Variants in NNT observed in about 807,000 individuals in gnomAD.
NNT encodes the protein NAD(P) transhydrogenase, mitochondrial.
NNT carries 50 observed loss-of-function variants against 104.8 expected under a neutral mutation model. That is an observed-to-expected ratio of 0.48 (90% CI 0.38 to 0.60). The LOEUF (loss-of-function observed/expected upper bound fraction) is 0.60. Among genes scored for constraint, NNT ranks in the 20% least tolerant of loss-of-function variants. The pLI is 0.00. For missense variants in NNT, 1,131 were observed against 1,330.7 expected, an observed-to-expected ratio of 0.85 and a Z score of 2.33; for synonymous variants, 461 against 490.4, an observed-to-expected ratio of 0.94 and a Z score of 0.79.
rs1580137157 is a variant in NNT, at chr5:43,700,193, A to G, written c.2951A>G (p.Tyr984Cys). The G allele has an allele frequency of 6.2e-7, 1 of 1,613,798 alleles. No homozygotes were observed. The highest frequency in any genetic ancestry group is 8.5e-7 in the Non-Finnish European group (1 of 1,179,830). Reference sequence around the variant, plus strand: ...CTGCTGGCTGAGGCTGGTGTGCCATATGACATTGTGTTGGAAATGGATGAG... The same window carrying G: ...CTGCTGGCTGAGGCTGGTGTGCCATGTGACATTGTGTTGGAAATGGATGAG... ...NVLLAEAGVP[Y>C]DIVLEMDEIN... Residue 984 changes from tyrosine (Y) to cysteine (C), a missense_variant, in exon 20 of 22, where the codon TAT (tyrosine) becomes TGT (cysteine). Physicochemically the swap from Tyr to Cys is radical, Grantham distance 194 (BLOSUM62 -2). Transcript: ENST00000344920.
chr5:43,631,591 C>T (rs528114323), intron 7 of NNT, among the ~76,000 whole-genome samples: 3 of 152,152 alleles, frequency 2.0e-5, no homozygotes, highest in African/African-American at 7.2e-5. Context: ...TCAACTCATA[C>T]TCTAAAGAGC....
chr5:43,658,851 A>G (rs887660276), intron 16 of NNT, among the ~76,000 whole-genome samples: 1 of 152,228 alleles, frequency 6.6e-6, no homozygotes, highest in East Asian at 1.9e-4. Flanking sequence ...GTCTAAAGCC[A>G]TAAAAACTGG....
At position 43,645,525 on chromosome 5, in the gene NNT, T is replaced by A; in HGVS notation, c.1444+15T>A. 1 of 1,473,174 alleles carries A rather than the reference T, an allele frequency of 6.8e-7. No individual in the cohort carries two copies. Among genetic ancestry groups the A allele is most frequent in the Admixed American group, 2.2e-5 (1 of 44,750 alleles). The allele number at this position is 1,473,174 out of a possible 1,614,324, so 91.3% of individuals were successfully genotyped here. ...ATATACAGCAGGTGAGGATACCATT[T>A]ACCAGGGTTTAGTCTTGATTGTTTG... On this transcript the variant is annotated intron_variant, in intron 10 of 21. Coordinates refer to ENST00000344920, the MANE Select transcript of NNT (RefSeq NM_182977.3).
intron 19 of NNT, among the ~76,000 whole-genome samples, chr5:43,688,392 A>T (rs1437737283): frequency 6.6e-6 from 1 of 152,146 alleles, no homozygotes; most frequent in Non-Finnish European, 1.5e-5. Flanking sequence ...TTTGCCCTAG[A>T]ATCTCCAGAA....
intron 16 of NNT, among the ~76,000 whole-genome samples, 199 bp from the exon 17 acceptor site, chr5:43,658,972 G>T (rs1032520331): frequency 7.9e-5 from 12 of 151,826 alleles, no homozygotes; most frequent in Non-Finnish European, 7.4e-5. Context: ...TTTTTTTTAG[G>T]GGGGTGGGTG....
chr5:43,653,140 C>T lies in NNT; in HGVS notation c.1986C>T (p.Thr662=), dbSNP rs1739853292. ...GGGTTGCTGGAGGACTGGCAGCCACCCTCGGAGTCCTAAAACCGGGCCCAG... is the reference window on the plus strand; with the variant it reads ...GGGTTGCTGGAGGACTGGCAGCCACTCTCGGAGTCCTAAAACCGGGCCCAG... ...MIGVAGGLAA[T]LGVLKPGPEL... The change falls in exon 14 of 22, where the codon ACC becomes ACT. Residue 662 remains threonine (T), a synonymous_variant. Coordinates refer to ENST00000344920, the MANE Select transcript of NNT (RefSeq NM_182977.3). 2 of 1,613,964 alleles carry T rather than the reference C, an allele frequency of 1.2e-6. No homozygotes were observed. The highest frequency in any genetic ancestry group is 2.7e-5 in the African/African-American group (2 of 74,890).
chr5:43,661,911 T>C (rs1044494238), intron 17 of NNT, among the ~76,000 whole-genome samples: 1 of 152,192 alleles, frequency 6.6e-6, no homozygotes, highest in Non-Finnish European at 1.5e-5. Flanking sequence ...TTTATAATCC[T>C]GTGGGTATAT....
chr5:43,656,895 A>C, intron 16 of NNT, 82 bp downstream of exon 16: 5 of 1,338,766 alleles, frequency 3.7e-6, no homozygotes, highest in Non-Finnish European at 5.1e-6. Flanking sequence ...TCATATTTTT[A>C]TCTCTTCAAG....
rs1743055933 is a variant in NNT at position 43,705,259 on chromosome 5, A to G, written c.*855A>G. 1 of 152,164 alleles carries G rather than the reference A, an allele frequency of 6.6e-6. No individual in the cohort carries two copies. The highest frequency in any genetic ancestry group is 1.5e-5 in the Non-Finnish European group (1 of 67,986). 9.4% of individuals were successfully genotyped at this position (152,164 alleles called of 1,614,324 possible). A position where few individuals can be genotyped will look rare whatever the true frequency, so the allele number is the denominator to read the frequency against. Reference sequence around the variant, plus strand: ...AGTGATGTGGCAATTATCTCTGGTGACAAAAGAGTAAAATCAAATATTTCT... The same window carrying G: ...AGTGATGTGGCAATTATCTCTGGTGGCAAAAGAGTAAAATCAAATATTTCT... On this transcript the variant is annotated 3_prime_UTR_variant, in exon 22 of 22. Transcript: ENST00000344920.
At chr5:43,682,917 T>G (rs1354239070) in intron 19 of NNT, among the ~76,000 whole-genome samples, 2 of 152,242 alleles carry the variant, frequency 1.3e-5, no homozygotes, top group African/African-American at 4.8e-5. Flanking sequence ...ATTGATTAAT[T>G]AATAGGCTTC....
chr5:43,691,070 AGTGTGTGTGTGTGTGT>A (rs56075202), intron 19 of NNT, among the ~76,000 whole-genome samples: 10 of 137,504 alleles, frequency 7.3e-5, no homozygotes, highest in African/African-American at 1.4e-4. Context: ...TTTTTGAGAG[AGTGTGTGTGTGTGTGT>A]GTGTGTGTGT....
Position 43,677,777 on chromosome 5 carries a change from G to A in NNT, c.2847G>A (p.Lys949=), listed in dbSNP as rs555442850. The A allele has an allele frequency of 5.0e-6, 8 of 1,613,748 alleles. No homozygotes were observed. In the Admixed American group the frequency reaches 5.0e-5, roughly 10 times the overall value. The change falls in exon 19 of 22, where the codon AAG becomes AAA. Residue 949 remains lysine (K), a synonymous_variant. Transcript: ENST00000344920. ...KAQYPIADLV[K]MLTEQGKKVR... is the part of the protein sequence containing the mutation. Reference sequence around the variant, plus strand: ...AATACCCCATTGCTGATTTGGTAAAGATGCTCACTGAGCAAGGCAAAAAAG... The same window carrying A: ...AATACCCCATTGCTGATTTGGTAAAAATGCTCACTGAGCAAGGCAAAAAAG...
intron 6 of NNT, among the ~76,000 whole-genome samples, chr5:43,627,539 G>A (rs1456500511): frequency 6.6e-6 from 1 of 152,110 alleles, no homozygotes. Context: ...TTACATGCAC[G>A]TCCACCACAG....
chr5:43,622,011 C>T (rs983028247), intron 5 of NNT, among the ~76,000 whole-genome samples: 2 of 152,092 alleles, frequency 1.3e-5, no homozygotes, highest in Non-Finnish European at 2.9e-5. Flanking sequence ...ATGTTATAGA[C>T]TTTGGATTCT....
chr5:43,651,516 T>C (rs1437775957), intron 12 of NNT, among the ~76,000 whole-genome samples: 1 of 152,030 alleles, frequency 6.6e-6, no homozygotes, highest in Non-Finnish European at 1.5e-5. Context: ...AGGCGGAGAT[T>C]GCAGTGAGCC....
At chr5:43,605,024 AG>A (rs1160496526) in intron 1 of NNT, among the ~76,000 whole-genome samples, 3 of 152,120 alleles carry the variant, frequency 2.0e-5, no homozygotes, top group Non-Finnish European at 4.4e-5. Context: ...AGGGAAGTTA[AG>A]TGACTTCCCA....
intron 19 of NNT, among the ~76,000 whole-genome samples, chr5:43,692,291 A>T (rs1255921334): frequency 6.6e-6 from 1 of 152,070 alleles, no homozygotes; most frequent in African/African-American, 2.4e-5. Flanking sequence ...CTCTTCATCA[A>T]ACTTAACTCC....
At chr5:43,670,767 G>T (rs1377730886) in intron 17 of NNT, among the ~76,000 whole-genome samples, 1 of 152,168 alleles carries the variant, frequency 6.6e-6, no homozygotes, top group Admixed American at 6.5e-5. Flanking sequence ...TGTTGATTTG[G>T]GGTGGAGACA....
At chr5:43,682,870 A>T (rs1430651632) in intron 19 of NNT, among the ~76,000 whole-genome samples, 1 of 152,220 alleles carries the variant, frequency 6.6e-6, no homozygotes, top group East Asian at 1.9e-4. Context: ...CAACAGCTGA[A>T]AATTCCTGGT....
Sources: allele counts gnomAD v4.1 joint callset (sites outside exome capture counted in the v4.1 genomes callset), GRCh38; gene constraint gnomAD v4.1.1; transcripts MANE v1.5; gene names NCBI Gene and HGNC (gene_info 2026-07-23, HGNC 2026-07-21).